KLHL32: variants seen among roughly 807,000 people sequenced by gnomAD.
The protein encoded by KLHL32 is kelch-like protein 32.
A neutral mutation model predicts 64.8 loss-of-function variants in KLHL32; 35 were observed. That is an observed-to-expected ratio of 0.54 (90% confidence interval 0.41 to 0.72). KLHL32 has a LOEUF of 0.72. KLHL32 is among the 30% of genes least tolerant of loss of function. The probability of loss-of-function intolerance (pLI) is 0.00; values close to 1 mark genes in which losing one functional copy is unlikely to be tolerated. For missense variants in KLHL32, 589 were observed against 768.5 expected (o/e 0.77, Z 2.76); for synonymous variants, 259 against 281.0 (o/e 0.92, Z 0.78).
At chr6:96,972,001 G>A (rs1011077430) in intron 2 of KLHL32, among the ~76,000 whole-genome samples, 4 of 151,862 alleles carry the variant, frequency 2.6e-5, no homozygotes, top group Admixed American at 6.6e-5. Context: ...ACAGGCATGC[G>A]CCACCACACC....
chr6:97,135,753 C>T (rs1206143), intron 10 of KLHL32, among the ~76,000 whole-genome samples: 68,532 of 151,960 alleles, frequency 0.45, 15,603 homozygotes, highest in South Asian at 0.51. Flanking sequence ...GGCTATATTA[C>T]CATTCATTCT....
chr6:97,113,676 G>A, intron 6 of KLHL32, 107 bp from the exon 7 acceptor site: 2 of 1,370,030 alleles, frequency 1.5e-6, no homozygotes, highest in Non-Finnish European at 2.0e-6. Flanking sequence ...AAGAAAGTTT[G>A]TATTATTACC....
chr6:96,977,368 GCT>G (rs1400799237), intron 3 of KLHL32, among the ~76,000 whole-genome samples: 1 of 152,180 alleles, frequency 6.6e-6, no homozygotes. Context: ...GTGATAGTCT[GCT>G]TCATATATGG....
At chr6:96,998,228 T>C (rs952846826) in intron 3 of KLHL32, among the ~76,000 whole-genome samples, 1 of 152,192 alleles carries the variant, frequency 6.6e-6, no homozygotes, top group African/African-American at 2.4e-5. Context: ...AAAAGCCTTT[T>C]AGTAGTCAGT....
At chr6:97,041,671 G>T in intron 4 of KLHL32, 72 bp downstream of exon 4, 1 of 871,682 alleles carries the variant, frequency 1.1e-6, no homozygotes, top group Non-Finnish European at 1.9e-6. Context: ...TATCCTTGAG[G>T]TATGAGATTT....
At chr6:97,105,652 G>C (rs1796310336) in intron 6 of KLHL32, 1 of 357,214 alleles carries the variant, frequency 2.8e-6, no homozygotes, top group Non-Finnish European at 5.6e-6. Context: ...CCTGGCCAAG[G>C]AGCAGAATAA....
At chr6:96,985,717 T>A (rs560930853) in intron 3 of KLHL32, among the ~76,000 whole-genome samples, 2 of 148,220 alleles carry the variant, frequency 1.3e-5, no homozygotes, top group East Asian at 4.0e-4. Flanking sequence ...TGGTTTTCAG[T>A]TCCATCAGGT....
At chr6:96,968,352 C>T (rs1406674089) in intron 2 of KLHL32, among the ~76,000 whole-genome samples, 1 of 151,470 alleles carries the variant, frequency 6.6e-6, no homozygotes, top group Non-Finnish European at 1.5e-5. Context: ...GGGCAGCCCC[C>T]TACAGCAAAA....
intron 1 of KLHL32, among the ~76,000 whole-genome samples, chr6:96,963,792 T>G (rs1433668918): frequency 7.9e-5 from 12 of 152,236 alleles, no homozygotes; most frequent in Non-Finnish European, 1.5e-5. Flanking sequence ...TTGCCATTAT[T>G]CAGTGGTTGA....
At chr6:97,096,052 T>C (rs895629074) in intron 6 of KLHL32, among the ~76,000 whole-genome samples, 1 of 152,180 alleles carries the variant, frequency 6.6e-6, no homozygotes, top group African/African-American at 2.4e-5. Context: ...TGCTAAATAT[T>C]GCACGGAAAA....
chr6:97,064,833 G>C, intron 5 of KLHL32, 107 bp downstream of exon 5: 2 of 876,832 alleles, frequency 2.3e-6, no homozygotes, highest in East Asian at 5.0e-5. Context: ...TGGGGGTGGG[G>C]TGTGGGCTGT....
At chr6:97,085,427 T>A in intron 6 of KLHL32, 86 bp downstream of exon 6, 2 of 1,126,618 alleles carry the variant, frequency 1.8e-6, no homozygotes, top group Non-Finnish European at 2.6e-6. Flanking sequence ...ATTACCACTA[T>A]TTTAGTGGCT....
intron 5 of KLHL32, 30 bp downstream of exon 5, chr6:97,064,756 C>A: frequency 6.6e-7 from 1 of 1,511,178 alleles, no homozygotes; most frequent in Non-Finnish European, 9.2e-7. Context: ...GCTCATACAC[C>A]CTTCACATTC....
At chr6:97,008,322 G>T (rs890441481) in intron 3 of KLHL32, among the ~76,000 whole-genome samples, 4 of 152,122 alleles carry the variant, frequency 2.6e-5, no homozygotes, top group African/African-American at 9.7e-5. Flanking sequence ...CCCTGTTTGG[G>T]CATCTGAGGC....
chr6:96,899,466 G>A, the KLHL32 span, among the ~76,000 whole-genome samples: 9 of 152,076 alleles, frequency 5.9e-5, no homozygotes, highest in Admixed American at 2.6e-4. Flanking sequence ...ACCGAACTTC[G>A]GGCAGTATGA....
At chr6:96,941,794 A>C (rs1771321756) in intron 1 of KLHL32, among the ~76,000 whole-genome samples, 1 of 152,032 alleles carries the variant, frequency 6.6e-6, no homozygotes, top group African/African-American at 2.4e-5. Flanking sequence ...CCATCTAAGC[A>C]ATGAGAAGAC....
At chr6:96,961,865 C>T (rs1175261703) in intron 1 of KLHL32, among the ~76,000 whole-genome samples, 1 of 152,152 alleles carries the variant, frequency 6.6e-6, no homozygotes, top group East Asian at 1.9e-4. Flanking sequence ...TGTTGCAGGC[C>T]CAACCTGTGC....
chr6:97,046,533 T>A (rs544415223), intron 4 of KLHL32, among the ~76,000 whole-genome samples: 1 of 152,316 alleles, frequency 6.6e-6, no homozygotes, highest in African/African-American at 2.4e-5. Flanking sequence ...GGCTTAGACT[T>A]GTTCTCCCTA....
rs1778517648 is a variant in KLHL32, at chr6:96,997,343, TG to T, written c.204+21169del. On this transcript the variant is annotated intron_variant, in intron 3 of 10. Transcript: ENST00000369261. ...TGGAATAGTTTCTTGCTGTGTCATG[TG>T]GGTGGGCCCTCCCAAACCCCTCTCC... 2.6e-5 allele frequency among the ~76,000 whole-genome samples: 4 copies of T among 152,290 alleles called. No homozygotes were observed. The South Asian group carries it at 6.2e-4, about 24-fold the overall frequency.
Sources: gnomAD v4.1 joint callset for allele counts (sites outside exome capture counted in the v4.1 genomes callset) on GRCh38, gnomAD v4.1.1 for gene constraint, MANE v1.5 for transcripts, NCBI Gene and HGNC (gene_info 2026-07-23, HGNC 2026-07-21) for gene names.